THADA: variants seen among roughly 807,000 people sequenced by gnomAD.
THADA encodes THADA armadillo repeat containing, also known as tRNA (32-2'-O)-methyltransferase regulator THADA.
In THADA, 213 loss-of-function variants were observed where a neutral mutation model predicts 219.8. The ratio of observed to expected loss-of-function variants is 0.97; its 90% CI spans 0.87 to 1.09. THADA has a LOEUF of 1.09. THADA is among the 50% of genes least tolerant of loss of function. THADA has a pLI of 0.00. For synonymous variants in THADA, 1,018 were observed against 828.9 expected, an observed-to-expected ratio of 1.23 and a Z score of -3.92; for missense variants, 2,956 against 2,311.3, an observed-to-expected ratio of 1.28 and a Z score of -5.72.
At chr2:43,296,042 C>G (rs1675334935) in intron 31 of THADA, among the ~76,000 whole-genome samples, 1 of 151,744 alleles carries the variant, frequency 6.6e-6, no homozygotes, top group South Asian at 2.1e-4. Context: ...GCCTCAGCCT[C>G]CTGAGTAGCT....
chr2:43,452,089 A>G (rs144427691), intron 26 of THADA, among the ~76,000 whole-genome samples: 2 of 152,370 alleles, frequency 1.3e-5, no homozygotes, highest in African/African-American at 4.8e-5. Flanking sequence ...CCTTGGTGAC[A>G]GAGCGAGACT....
At chr2:43,438,708 C>G (rs140206320) in intron 26 of THADA, among the ~76,000 whole-genome samples, 208 of 152,286 alleles carry the variant, frequency 1.4e-3, no homozygotes, top group African/African-American at 4.9e-3. Flanking sequence ...AGTAGTCCCC[C>G]CCTTATCTGA....
chr2:43,574,454 T>A lies in THADA; in HGVS notation c.1611A>T (p.Gly537=), dbSNP rs1699627641. Residue 537 remains glycine, a synonymous_variant, in exon 11 of 38, where the codon GGA becomes GGT. Coordinates refer to ENST00000405975, the MANE Select transcript of THADA (RefSeq NM_022065.5). ...TCACGTAAGATTTTTGATCCAAGTT[T>A]CCTTCACACAATATAAAAAGGAGAG... The part of the protein sequence containing the change: ...VSPLLFILCE[G]NLDQKSYVID... 2 of 1,613,494 alleles carry A rather than the reference T, an allele frequency of 1.2e-6. No homozygotes were observed. The highest frequency in any genetic ancestry group is 2.2e-5 in the East Asian group (1 of 44,880).
chr2:43,388,114 A>T (rs934706029), intron 29 of THADA, among the ~76,000 whole-genome samples: 1 of 152,238 alleles, frequency 6.6e-6, no homozygotes, highest in African/African-American at 2.4e-5. Context: ...CTATCCCAAT[A>T]AAAACAAAGG....
At chr2:43,289,976 GTT>G (rs59073038) in intron 34 of THADA, among the ~76,000 whole-genome samples, 240 of 92,004 alleles carry the variant, frequency 2.6e-3, no homozygotes, top group African/African-American at 6.7e-3. Context: ...TTTTGTTTTT[GTT>G]TTTTTTTTTT....
chr2:43,404,394 A>T (rs1412197368), intron 28 of THADA, among the ~76,000 whole-genome samples: 12 of 142,458 alleles, frequency 8.4e-5, no homozygotes, highest in Non-Finnish European at 1.2e-4. Context: ...TTTTTTTTTT[A>T]AAGTAGAGAC....
At chr2:43,445,693 GAC>G (rs1201548660) in intron 26 of THADA, among the ~76,000 whole-genome samples, 6 of 152,084 alleles carry the variant, frequency 3.9e-5, no homozygotes, top group African/African-American at 1.4e-4. Context: ...GTTTTTTTGA[GAC>G]AGAGTCTTGC....
At chr2:43,452,715 A>T (rs1314189365) in intron 26 of THADA, among the ~76,000 whole-genome samples, 1 of 152,320 alleles carries the variant, frequency 6.6e-6, no homozygotes, top group East Asian at 1.9e-4. Flanking sequence ...AGTCAGGCCC[A>T]CCCACTGAAT....
Position 43,551,834 on chromosome 2 carries a change from G to GA in THADA, c.2901dup (p.Gln968SerfsTer6). On this transcript the variant is annotated frameshift_variant, in exon 19 of 38. Transcript: ENST00000405975. LOFTEE classifies it high-confidence loss of function. ...ATGAGGCCTTCAGGGGATGAGCTCT[G>GA]AATGACTGGAGACACCACAGTGGAA... is the stretch of plus-strand genomic sequence containing the variant. 6.2e-7 allele frequency: 1 copy of GA among 1,613,784 alleles called. No homozygotes were observed. The highest frequency in any genetic ancestry group is 8.5e-7 in the Non-Finnish European group (1 of 1,179,826).
At chr2:43,392,988 AC>A (rs1226308905) in intron 29 of THADA, among the ~76,000 whole-genome samples, 1 of 152,162 alleles carries the variant, frequency 6.6e-6, no homozygotes, top group Non-Finnish European at 1.5e-5. Flanking sequence ...TCCTATGGTT[AC>A]CCAAGTTTGA....
chr2:43,504,756 T>C (rs1179391552), intron 24 of THADA, among the ~76,000 whole-genome samples: 1 of 152,086 alleles, frequency 6.6e-6, no homozygotes, highest in Admixed American at 6.6e-5. Context: ...TGGCGGCCCA[T>C]GCCTGTAATT....
rs10560565 is a variant in THADA at position 43,460,238 on chromosome 2, TAAAAAAAAAAAA to T, written c.3836+24984_3836+24995del. Reference sequence around the variant, plus strand: ...ATCTTAGAAACAAGCTTTCTCTTAATAAAAAAAAAAAAAAAAAAAAAAAAAAAAAGTAAGCCA... The same window carrying T: ...ATCTTAGAAACAAGCTTTCTCTTAATAAAAAAAAAAAAAAAAAGTAAGCCA... On this transcript the variant is annotated intron_variant, in intron 26 of 37. Transcript: ENST00000405975. Among the ~76,000 whole-genome samples the T allele has an allele frequency of 1.5e-3, 94 of 63,550 alleles. No homozygotes were observed. The South Asian group carries it at 0.04, about 27-fold the overall frequency. 41.7% of individuals were successfully genotyped at this position (63,550 alleles called of 152,430 possible).
intron 24 of THADA, 122 bp from the exon 25 acceptor site, chr2:43,499,077 C>T (rs987314327): frequency 8.6e-5 from 91 of 1,056,328 alleles, no homozygotes; most frequent in African/African-American, 6.6e-4. Context: ...ATGGATAATC[C>T]GCAAATGAAA....
chr2:43,278,386 A>T (rs1180483372), intron 36 of THADA, among the ~76,000 whole-genome samples: 1 of 152,248 alleles, frequency 6.6e-6, no homozygotes, highest in African/African-American at 2.4e-5. Flanking sequence ...AAGAAAATCA[A>T]GCTGGGCTGG....
chr2:43,326,177 A>AC (rs1240286318), intron 30 of THADA, among the ~76,000 whole-genome samples: 1 of 152,136 alleles, frequency 6.6e-6, no homozygotes, highest in African/African-American at 2.4e-5. Flanking sequence ...AAAAAAAAAA[A>AC]AAAAAAACAC....
At chr2:43,564,714 T>C (rs1574279168) in intron 15 of THADA, 2 of 152,204 alleles carry the variant, frequency 1.3e-5, no homozygotes, top group Admixed American at 6.5e-5. Flanking sequence ...TTATAAAAAC[T>C]GGAACAAGCC....
chr2:43,518,608 A>G (rs1039302574), intron 22 of THADA, among the ~76,000 whole-genome samples: 4 of 152,230 alleles, frequency 2.6e-5, no homozygotes, highest in Non-Finnish European at 5.9e-5. Flanking sequence ...AGGTTTGTAC[A>G]CTTATGAACA....
rs1426121375 is a variant in THADA at position 43,384,110 on chromosome 2, A to G, written c.4227+13861T>C. ...AACTTCTGAAATGGACAGACAACTG[A>G]AAATTATGCACCTCTACTCATGCTC... On this transcript the variant is annotated intron_variant, in intron 29 of 37. Transcript: ENST00000405975. 2.0e-5 allele frequency among the ~76,000 whole-genome samples: 3 copies of G among 152,210 alleles called. No homozygotes were observed. In the East Asian group the frequency reaches 5.8e-4, roughly 29 times the overall value.
chr2:43,299,767 C>T (rs923955990), intron 31 of THADA, among the ~76,000 whole-genome samples: 1 of 151,966 alleles, frequency 6.6e-6, no homozygotes, highest in South Asian at 2.1e-4. Flanking sequence ...TGGCTCATGC[C>T]TGTAATCCCA....
Sources: gnomAD v4.1 joint callset for allele counts (sites outside exome capture counted in the v4.1 genomes callset) on GRCh38, gnomAD v4.1.1 for gene constraint, MANE v1.5 for transcripts, NCBI Gene and HGNC (gene_info 2026-07-23, HGNC 2026-07-21) for gene names.